The following CACNA1C variants were observed in gnomAD, a reference collection of about 807,000 sequenced individuals.
CACNA1C encodes calcium voltage-gated channel subunit alpha1 C.
A neutral mutation model predicts 229.0 loss-of-function variants in CACNA1C; 30 were observed. The observed-to-expected ratio is 0.13, with a 90% confidence interval of 0.10 to 0.18. The LOEUF is 0.18. Among genes scored for constraint, CACNA1C ranks in the 10% least tolerant of loss-of-function variants. The probability of loss-of-function intolerance (pLI) is 1.00; values close to 1 mark genes in which losing one functional copy is unlikely to be tolerated. For synonymous variants in CACNA1C, 1,114 were observed against 1,132.5 expected (o/e 0.98, Z 0.33); for missense variants, 1,658 against 2,845.0 (o/e 0.58, Z 9.49).
Position 2,616,431 on chromosome 12 carries a change from G to A in CACNA1C, c.3828+4418G>A, listed in dbSNP as rs942027433. ...GGTTAGACAGTCTCTCGCCCTGGCC[G>A]AGTGAGTTTCTCCCACTGTCAGTTG... On this transcript the variant is annotated intron_variant, in intron 29 of 46. Coordinates refer to ENST00000399655, the MANE Select transcript of CACNA1C (RefSeq NM_000719.7). 9.9e-5 allele frequency among the ~76,000 whole-genome samples: 15 copies of A among 152,186 alleles called. No individual in the cohort carries two copies. In the East Asian group the frequency reaches 1.5e-3, roughly 16 times the overall value.
intron 3 of CACNA1C, among the ~76,000 whole-genome samples, chr12:2,130,384 T>G (rs1168019861): frequency 6.9e-6 from 1 of 145,590 alleles, no homozygotes; most frequent in Non-Finnish European, 1.5e-5. Flanking sequence ...ACATGTGCCA[T>G]GCTGGTGCGC....
intron 34 of CACNA1C, among the ~76,000 whole-genome samples, chr12:2,662,702 G>A (rs1429440478): frequency 6.6e-6 from 1 of 152,214 alleles, no homozygotes; most frequent in African/African-American, 2.4e-5. Context: ...ACAACAGGTT[G>A]GCAGGACTCC....
Position 2,632,370 on chromosome 12 carries a change from A to G in CACNA1C, c.3829-1927A>G, listed in dbSNP as rs1439010975. ...CCTGTAGCTGGGGGTGTATGCACCC[A>G]TTCAGTCACAGAACATCGCTGTGCA... is the stretch of plus-strand genomic sequence containing the variant. On this transcript the variant is annotated intron_variant, in intron 29 of 46. Transcript: ENST00000399655. The surrounding 1 kb of genome is among the most constrained non-coding windows in gnomAD (Gnocchi z 4.1). Among the ~76,000 whole-genome samples the G allele has an allele frequency of 6.6e-6, 1 of 151,994 alleles. No individual in the cohort carries two copies. The highest frequency in any genetic ancestry group is 1.5e-5 in the Non-Finnish European group (1 of 67,982).
rs1326870666 is a variant in CACNA1C, at chr12:2,665,537, T to C, written c.4399-44T>C. ...CAAGGGGGTTCCAGAGGCAGGTGTG[T>C]AGGAAGGTCTTCTCACAGCACCTCA... On this transcript the variant is annotated intron_variant, in intron 35 of 46. Transcript: ENST00000399655. This position sits in a 1 kb window ranked among gnomAD's most constrained non-coding sequence, Gnocchi z 5.9. 6.2e-7 allele frequency: 1 copy of C among 1,607,012 alleles called. No homozygotes were observed. The highest frequency in any genetic ancestry group is 1.1e-5 in the South Asian group (1 of 90,490).
At chr12:2,622,328 T>C (rs1040682051) in intron 29 of CACNA1C, among the ~76,000 whole-genome samples, 1 of 152,110 alleles carries the variant, frequency 6.6e-6, no homozygotes, top group African/African-American at 2.4e-5. Context: ...CTGACTGTCC[T>C]TGGAAACCAC....
At chr12:2,335,883 CA>C (rs199931453) in intron 3 of CACNA1C, among the ~76,000 whole-genome samples, 1 of 150,868 alleles carries the variant, frequency 6.6e-6, no homozygotes, top group Non-Finnish European at 1.5e-5. Flanking sequence ...ATGTTTTTCC[CA>C]AAAAAAAGTA....
At chr12:2,145,110 T>C (rs2094583774) in intron 3 of CACNA1C, among the ~76,000 whole-genome samples, 1 of 151,394 alleles carries the variant, frequency 6.6e-6, no homozygotes, top group African/African-American at 2.4e-5. Flanking sequence ...GGTGAGATGC[T>C]GAGCTGCTAA....
intron 3 of CACNA1C, among the ~76,000 whole-genome samples, chr12:2,284,454 G>A (rs1306556124): frequency 6.6e-6 from 1 of 152,176 alleles, no homozygotes; most frequent in East Asian, 1.9e-4. Context: ...AGGGGCTGGG[G>A]GAGGAGGGTG....
At chr12:2,559,077 A>G (rs532888048) in intron 11 of CACNA1C, among the ~76,000 whole-genome samples, 35 of 152,348 alleles carry the variant, frequency 2.3e-4, no homozygotes, top group African/African-American at 8.4e-4. Flanking sequence ...TAAATGAATG[A>G]TCTTGCCCCA....
At chr12:2,524,193 C>A (rs1424312303) in intron 9 of CACNA1C, among the ~76,000 whole-genome samples, 1 of 152,212 alleles carries the variant, frequency 6.6e-6, no homozygotes, top group Non-Finnish European at 1.5e-5. Context: ...TCTGAGGGAA[C>A]CTCCTAGAGC....
intron 5 of CACNA1C, among the ~76,000 whole-genome samples, chr12:2,459,817 A>T (rs1567814144): frequency 1.3e-5 from 2 of 152,218 alleles, no homozygotes; most frequent in Admixed American, 6.5e-5. Flanking sequence ...AACCAAGCGA[A>T]ATGGACACAA....
At chr12:2,073,788 T>C (rs1408396926) in intron 1 of CACNA1C, among the ~76,000 whole-genome samples, 1 of 152,204 alleles carries the variant, frequency 6.6e-6, no homozygotes. Flanking sequence ...ATGGAAATCA[T>C]CCTGTGGATG....
rs530023138 is a variant in CACNA1C, at chr12:2,555,712, G to T, written c.1482-1239G>T. Among the ~76,000 whole-genome samples, 11 of 152,330 alleles carry T rather than the reference G, an allele frequency of 7.2e-5. No individual in the cohort carries two copies. The East Asian group carries it at 2.1e-3, about 29-fold the overall frequency. On this transcript the variant is annotated intron_variant, in intron 10 of 46. Coordinates refer to ENST00000399655, the MANE Select transcript of CACNA1C (RefSeq NM_000719.7). ...TGAGGTTATTAGCTAACCGTTCGGA[G>T]CAGTAAAGGCGCTTGGCTCAGACTC...
At chr12:2,546,115 A>G (rs1298161554) in intron 9 of CACNA1C, among the ~76,000 whole-genome samples, 1 of 152,088 alleles carries the variant, frequency 6.6e-6, no homozygotes, top group East Asian at 1.9e-4. Context: ...TCTCCCATGC[A>G]GTGGCTTGTG....
chr12:2,312,533 C>T (rs888877043), intron 3 of CACNA1C, among the ~76,000 whole-genome samples: 2 of 152,180 alleles, frequency 1.3e-5, no homozygotes, highest in African/African-American at 4.8e-5. Flanking sequence ...CTTTGTGTCC[C>T]GCCAGAACCT....
intron 3 of CACNA1C, among the ~76,000 whole-genome samples, chr12:2,258,239 G>A (rs753374842): frequency 2.6e-5 from 4 of 152,272 alleles, no homozygotes; most frequent in South Asian, 2.1e-4. Context: ...GCTTGTTTCC[G>A]CCTCTCAATT....
chr12:2,648,589 G>T, intron 31 of CACNA1C, 82 bp downstream of exon 31: 2 of 1,259,670 alleles, frequency 1.6e-6, no homozygotes, highest in Non-Finnish European at 2.3e-6. Flanking sequence ...GAACTCCAGA[G>T]TCCCTGGGAG....
Position 2,486,309 on chromosome 12 carries a change from C to T in CACNA1C, c.916+47C>T. The T allele has an allele frequency of 6.6e-7, 1 of 1,519,682 alleles. No homozygotes were observed. The allele number at this position is 1,519,682 out of a possible 1,614,324, so 94.1% of individuals were successfully genotyped here. ...GCTCCCAAGGCCCTGCCCTCTATCG[C>T]TCCCAGCACCTTTCCCGCTGCTGGC... On this transcript the variant is annotated intron_variant, in intron 6 of 46. Coordinates refer to ENST00000399655, the MANE Select transcript of CACNA1C (RefSeq NM_000719.7). This position sits in a 1 kb window ranked among gnomAD's most constrained non-coding sequence, Gnocchi z 4.9.
At chr12:2,240,934 T>C (rs1261865327) in intron 3 of CACNA1C, among the ~76,000 whole-genome samples, 4 of 152,120 alleles carry the variant, frequency 2.6e-5, no homozygotes, top group African/African-American at 9.7e-5. Context: ...GGGTGGGATC[T>C]CGCCAGGGAT....
Sources: gnomAD v4.1 joint callset for allele counts (sites outside exome capture counted in the v4.1 genomes callset) on GRCh38, gnomAD v4.1.1 for gene constraint, Gnocchi (gnomAD v3.1) non-coding constraint, MANE v1.5 for transcripts, NCBI Gene and HGNC (gene_info 2026-07-23, HGNC 2026-07-21) for gene names.